UGT2B17: variants seen among roughly 807,000 people sequenced by gnomAD.
UGT2B17 encodes the protein UDP-glucuronosyltransferase 2B17.
UGT2B17 carries 21 observed loss-of-function variants against 48.2 expected under a neutral mutation model. The ratio of observed to expected loss-of-function variants is 0.44; its 90% CI spans 0.31 to 0.63. The LOEUF (loss-of-function observed/expected upper bound fraction) is 0.63. Ranked by LOEUF, UGT2B17 falls within the 20% of genes least tolerant of loss-of-function variation. The pLI is 0.08. For missense variants in UGT2B17, 402 were observed against 696.1 expected (o/e 0.58, Z 4.75); for synonymous variants, 146 against 238.4 (o/e 0.61, Z 3.57).
rs1336548707 is a variant in UGT2B17, at chr4:68,572,790, G to A, written c.-65+3161C>T. Among the ~76,000 whole-genome samples the A allele has an allele frequency of 2.4e-5, 3 of 126,260 alleles. 1 individual carries two copies. The highest frequency in any genetic ancestry group is 5.0e-5 in the Non-Finnish European group (3 of 59,634). The allele number at this position is 126,260 out of a possible 152,430, so 82.8% of individuals were successfully genotyped here. A position where few individuals can be genotyped will look rare whatever the true frequency, so the allele number is the denominator to read the frequency against. Reference sequence around the variant, plus strand: ...AAATTCTGAGGAAAATGAGTCCTGCGATGAGTCTCCTCATGCTTCAGCCAT... The same window carrying A: ...AAATTCTGAGGAAAATGAGTCCTGCAATGAGTCTCCTCATGCTTCAGCCAT... On this transcript the variant is annotated intron_variant, in intron 1 of 6. Coordinates refer to ENST00000317746, the MANE Select transcript of UGT2B17 (RefSeq NM_001077.4).
rs1038810888 is a variant in UGT2B17 at position 68,539,549 on chromosome 4, T to A, written c.1314-1645A>T. ...GATGTATACTTGGAAGAATAGTTGATGAGAGAAAGGCATATTTATAATTAG... is the reference window on the plus strand; with the variant it reads ...GATGTATACTTGGAAGAATAGTTGAAGAGAGAAAGGCATATTTATAATTAG... On this transcript the variant is annotated intron_variant, in intron 6 of 6. Transcript: ENST00000317746. 6.4e-5 allele frequency among the ~76,000 whole-genome samples: 8 copies of A among 124,398 alleles called. 1 individual carries two copies. Among genetic ancestry groups the A allele is most frequent in the Non-Finnish European group, 1.2e-4 (7 of 59,282 alleles). 81.6% of individuals were successfully genotyped at this position (124,398 alleles called of 152,430 possible). A position where few individuals can be genotyped will look rare whatever the true frequency, so the allele number is the denominator to read the frequency against.
At chr4:68,546,669 A>G (rs1398322486) in intron 6 of UGT2B17, among the ~76,000 whole-genome samples, 1 of 125,700 alleles carries the variant, frequency 8.0e-6, no homozygotes, top group Non-Finnish European at 1.7e-5. Flanking sequence ...TTGTATATCT[A>G]GAAAACCTGA....
chr4:68,565,536 A>T, intron 3 of UGT2B17, 36 bp downstream of exon 3: 1 of 1,336,970 alleles, frequency 7.5e-7, no homozygotes, highest in Non-Finnish European at 9.7e-7. Context: ...CCTTCTGAAA[A>T]TGTCAAGCAA....
chr4:68,539,190 C>T (rs189335024), intron 6 of UGT2B17, among the ~76,000 whole-genome samples: 1,643 of 125,980 alleles, frequency 0.013, 338 homozygotes, highest in African/African-American at 0.041. Flanking sequence ...AAAGTGAAAA[C>T]ACCAATTTAT....
rs1411043274 is a variant in UGT2B17 at position 68,545,700 on chromosome 4, A to G, written c.1313+4977T>C. 2.6e-4 allele frequency among the ~76,000 whole-genome samples: 33 copies of G among 126,210 alleles called. 6 individuals carry two copies. Among genetic ancestry groups the G allele is most frequent in the South Asian group, 7.5e-4 (2 of 2,676 alleles). The allele number at this position is 126,210 out of a possible 152,430, so 82.8% of individuals were successfully genotyped here. On this transcript the variant is annotated intron_variant, in intron 6 of 6. Transcript: ENST00000317746. Reference sequence around the variant, plus strand: ...TAGCAAGACTAATAAAGAAGAAAAGAGAGACGAATCAAATAGATGGAATAA... The same window carrying G: ...TAGCAAGACTAATAAAGAAGAAAAGGGAGACGAATCAAATAGATGGAATAA...
At position 68,567,953 on chromosome 4, in the gene UGT2B17, C is replaced by T; in HGVS notation, c.532G>A (p.Gly178Ser). The T allele has an allele frequency of 7.2e-7, 1 of 1,380,830 alleles. No homozygotes were observed. The highest frequency in any genetic ancestry group is 9.5e-7 in the Non-Finnish European group (1 of 1,054,984). 85.5% of individuals were successfully genotyped at this position (1,380,830 alleles called of 1,614,324 possible). A position where few individuals can be genotyped will look rare whatever the true frequency, so the allele number is the denominator to read the frequency against. Residue 178 changes from glycine to serine, a missense_variant, in exon 2 of 7, where the codon GGC becomes AGC. Coordinates refer to ENST00000317746, the MANE Select transcript of UGT2B17 (RefSeq NM_001077.4). ...CCACCATTCTTCTCAACTGTGTAGC[C>T]AACAGAGAAGCGGAGACTGTACAGA... is the stretch of plus-strand genomic sequence containing the variant. ...PFLYSLRFSV[G>S]YTVEKNGGGF...
chr4:68,557,143 A>G lies in UGT2B17; in HGVS notation c.1005+3394T>C, dbSNP rs545858694. On this transcript the variant is annotated intron_variant, in intron 4 of 6. Coordinates refer to ENST00000317746, the MANE Select transcript of UGT2B17 (RefSeq NM_001077.4). ...ATAATTCTGATATGACTTAGTGTGT[A>G]CATTATCAGTAATAATTATATTTGT... 2.6e-4 allele frequency among the ~76,000 whole-genome samples: 33 copies of G among 124,974 alleles called. 6 individuals carry two copies. The highest frequency in any genetic ancestry group is 8.4e-4 in the African/African-American group (31 of 36,810). 82.0% of individuals were successfully genotyped at this position (124,974 alleles called of 152,430 possible). A position where few individuals can be genotyped will look rare whatever the true frequency, so the allele number is the denominator to read the frequency against.
At position 68,574,794 on chromosome 4, in the gene UGT2B17, C is replaced by CT. The variant is rs1212855327; in HGVS notation, c.-65+1156dup. Among the ~76,000 whole-genome samples, 2 of 126,032 alleles carry CT rather than the reference C, an allele frequency of 1.6e-5. 1 individual carries two copies. Among genetic ancestry groups the CT allele is most frequent in the Non-Finnish European group, 3.4e-5 (2 of 59,578 alleles). 82.7% of individuals were successfully genotyped at this position (126,032 alleles called of 152,430 possible). ...ATTTTTTGCATAAAATTTTTTATAA[C>CT]TTTTTTTCACGACTTTCGCCAACAA... On this transcript the variant is annotated intron_variant, in intron 1 of 6. Coordinates refer to ENST00000317746, the MANE Select transcript of UGT2B17 (RefSeq NM_001077.4).
rs1730809330 is a variant in UGT2B17 at position 68,546,437 on chromosome 4, G to C, written c.1313+4240C>G. Among the ~76,000 whole-genome samples, 4 of 126,178 alleles carry C rather than the reference G, an allele frequency of 3.2e-5. 2 individuals carry two copies. Among genetic ancestry groups the C allele is most frequent in the Middle Eastern group, 8.0e-3 (2 of 250 alleles). The allele number at this position is 126,178 out of a possible 152,430, so 82.8% of individuals were successfully genotyped here. ...GATGGGGAGTATCTCCAAATAATAAGAGTTATCTATGACAAACCCACAGCA... is the reference window on the plus strand; with the variant it reads ...GATGGGGAGTATCTCCAAATAATAACAGTTATCTATGACAAACCCACAGCA... On this transcript the variant is annotated intron_variant, in intron 6 of 6. Transcript: ENST00000317746.
chr4:68,565,946 TA>T (rs1731191855), intron 2 of UGT2B17, among the ~76,000 whole-genome samples: 2 of 119,206 alleles, frequency 1.7e-5, no homozygotes, highest in African/African-American at 5.6e-5. Flanking sequence ...AAATACATTA[TA>T]TTAAATTAAT....
In UGT2B17 at chr4:68,552,274, G is replaced by A. The variant is rs1485845893; in HGVS notation, c.1006-363C>T. Among the ~76,000 whole-genome samples the A allele has an allele frequency of 1.1e-4, 14 of 126,134 alleles. 3 individuals are homozygous for A. The highest frequency in any genetic ancestry group is 3.8e-4 in the African/African-American group (14 of 36,972). The allele number at this position is 126,134 out of a possible 152,430, so 82.7% of individuals were successfully genotyped here. ...ATTCAAAGTCAGCCCTTGGCTCACT[G>A]AGATAAATGCATATCTAATTGCCTC... On this transcript the variant is annotated intron_variant, in intron 4 of 6. Coordinates refer to ENST00000317746, the MANE Select transcript of UGT2B17 (RefSeq NM_001077.4).
chr4:68,568,802 G>T (rs867495509), intron 1 of UGT2B17, among the ~76,000 whole-genome samples: 1 of 116,068 alleles, frequency 8.6e-6, no homozygotes, highest in Non-Finnish European at 1.8e-5. Context: ...CAACTCAAAC[G>T]CCATTTTTTA....
intron 2 of UGT2B17, 47 bp downstream of exon 2, chr4:68,567,714 A>C: frequency 8.2e-7 from 1 of 1,219,506 alleles, no homozygotes; most frequent in Non-Finnish European, 1.0e-6. Flanking sequence ...CTTCAAAGGC[A>C]CAGGAAAATT....
At chr4:68,548,774 G>A (rs1730865897) in intron 6 of UGT2B17, among the ~76,000 whole-genome samples, 2 of 124,444 alleles carry the variant, frequency 1.6e-5, no homozygotes, top group African/African-American at 2.7e-5. Context: ...AATTGCAAAT[G>A]GGAATTTATT....
chr4:68,568,244 A>C lies in UGT2B17; in HGVS notation c.241T>G (p.Leu81Val), dbSNP rs765836098. The change falls in exon 2 of 7, where the codon TTA becomes GTA. Residue 81 changes from leucine to valine, a missense_variant. Leu to Val is a conservative substitution (Grantham distance 32). Coordinates refer to ENST00000317746, the MANE Select transcript of UGT2B17 (RefSeq NM_001077.4). ...AIKLEVYPTS[L>V]TKNDLEDFFM... is the part of the protein sequence containing the mutation. ...AAATCTTCCAAATCATTTTTAGTTA[A>C]AGATGTAGGATAAACTTCTAATTTA... 4.4e-6 allele frequency: 6 copies of C among 1,375,302 alleles called. 1 individual carries two copies. Among genetic ancestry groups the C allele is most frequent in the Middle Eastern group, 4.2e-4 (2 of 4,766 alleles). The allele number at this position is 1,375,302 out of a possible 1,614,324, so 85.2% of individuals were successfully genotyped here.
rs1162953418 is a variant in UGT2B17 at position 68,572,621 on chromosome 4, C to A, written c.-65+3330G>T. 3.2e-5 allele frequency among the ~76,000 whole-genome samples: 4 copies of A among 126,074 alleles called. 1 individual carries two copies. Among genetic ancestry groups the A allele is most frequent in the Non-Finnish European group, 6.7e-5 (4 of 59,526 alleles). The allele number at this position is 126,074 out of a possible 152,430, so 82.7% of individuals were successfully genotyped here. ...AAGGCAATTAGCTCTTTTATAATAACCATAAAGTAATTAGCTCTTTTATAA... is the reference window on the plus strand; with the variant it reads ...AAGGCAATTAGCTCTTTTATAATAAACATAAAGTAATTAGCTCTTTTATAA... On this transcript the variant is annotated intron_variant, in intron 1 of 6. Coordinates refer to ENST00000317746, the MANE Select transcript of UGT2B17 (RefSeq NM_001077.4).
Position 68,567,747 on chromosome 4 carries a change from G to A in UGT2B17, c.724+14C>T. The A allele has an allele frequency of 2.3e-6, 3 of 1,295,596 alleles. 1 individual carries two copies. Among genetic ancestry groups the A allele is most frequent in the Non-Finnish European group, 3.0e-6 (3 of 1,015,752 alleles). 80.3% of individuals were successfully genotyped at this position (1,295,596 alleles called of 1,614,324 possible). On this transcript the variant is annotated intron_variant, in intron 2 of 6. Transcript: ENST00000317746. ...ATTAGAACTTAATAAACACCAATTG[G>A]ACACACGACTTACCTAGAACTTCAC...
At chr4:68,561,358 C>A (rs1295006219) in intron 3 of UGT2B17, among the ~76,000 whole-genome samples, 1 of 120,422 alleles carries the variant, frequency 8.3e-6, no homozygotes. Context: ...GGTGTTGGGG[C>A]TTGGAATTTC....
chr4:68,548,426 G>C (rs1468076001), intron 6 of UGT2B17, among the ~76,000 whole-genome samples: 1 of 124,480 alleles, frequency 8.0e-6, no homozygotes. Flanking sequence ...GGCCTGCTTG[G>C]GGGTAGCGGG....
Sources: allele counts gnomAD v4.1 joint callset (sites outside exome capture counted in the v4.1 genomes callset), GRCh38; gene constraint gnomAD v4.1.1; transcripts MANE v1.5; gene names NCBI Gene and HGNC (gene_info 2026-07-23, HGNC 2026-07-21).